CHSY3: variants seen among roughly 807,000 people sequenced by gnomAD.
CHSY3 encodes N-acetylgalactosaminyl-proteoglycan 3-beta-glucuronosyltransferase 3.
CHSY3 carries 35 observed loss-of-function variants against 67.2 expected under a neutral mutation model. The observed-to-expected ratio is 0.52, with a 90% CI of 0.40 to 0.69. The LOEUF (loss-of-function observed/expected upper bound fraction) is 0.69, where lower values mean the gene tolerates loss of function less well. Ranked by LOEUF, CHSY3 falls within the 30% of genes least tolerant of loss-of-function variation. The pLI, the probability that CHSY3 is intolerant of heterozygous loss-of-function variation, is 0.00. For synonymous variants in CHSY3, 474 were observed against 434.7 expected, an observed-to-expected ratio of 1.09 and a Z score of -1.12; for missense variants, 1,069 against 1,138.5, an observed-to-expected ratio of 0.94 and a Z score of 0.88.
intron 2 of CHSY3, among the ~76,000 whole-genome samples, chr5:130,005,282 G>A (rs1302660947): frequency 1.3e-5 from 2 of 152,098 alleles, no homozygotes; most frequent in African/African-American, 4.8e-5. Context: ...GGGCATGGTG[G>A]CATGAGCCTG....
Position 130,122,752 on chromosome 5 carries a change from C to A in CHSY3, c.1087-61477C>A, listed in dbSNP as rs142770892. Among the ~76,000 whole-genome samples the A allele has an allele frequency of 2.0e-4, 31 of 152,256 alleles. No individual in the cohort carries two copies. The East Asian group carries it at 4.2e-3, about 21-fold the overall frequency. ...ATATTTAACAATTAAAAAAGAAAATCTTATCGTCAGCCAGGAATAAGCTTG... is the reference window on the plus strand; with the variant it reads ...ATATTTAACAATTAAAAAAGAAAATATTATCGTCAGCCAGGAATAAGCTTG... On this transcript the variant is annotated intron_variant, in intron 2 of 2. Coordinates refer to ENST00000305031, the MANE Select transcript of CHSY3 (RefSeq NM_175856.5).
At position 130,047,509 on chromosome 5, in the gene CHSY3, C is replaced by T. The variant is rs188894521; in HGVS notation, c.1087-136720C>T. 9.2e-5 allele frequency among the ~76,000 whole-genome samples: 14 copies of T among 152,136 alleles called. No homozygotes were observed. The East Asian group carries it at 2.5e-3, about 27-fold the overall frequency. On this transcript the variant is annotated intron_variant, in intron 2 of 2. Coordinates refer to ENST00000305031, the MANE Select transcript of CHSY3 (RefSeq NM_175856.5). ...TATAGGTTAGTAATTTATTGGCCAT[C>T]CAGAAATGATCATGGTCCCTTATTT...
At chr5:130,146,921 G>A (rs1041658454) in intron 2 of CHSY3, among the ~76,000 whole-genome samples, 6 of 152,136 alleles carry the variant, frequency 3.9e-5, no homozygotes. Context: ...AGCTTCCCCA[G>A]TAGCTGGGAT....
intron 2 of CHSY3, among the ~76,000 whole-genome samples, chr5:129,910,151 CCTGT>C (rs1339275500): frequency 6.6e-6 from 1 of 151,554 alleles, no homozygotes; most frequent in Non-Finnish European, 1.5e-5. Context: ...AGATGTGCAC[CCTGT>C]CTATTAGAAT....
intron 2 of CHSY3, among the ~76,000 whole-genome samples, chr5:130,057,069 G>A (rs1188354802): frequency 2.4e-4 from 36 of 151,080 alleles, no homozygotes; most frequent in Middle Eastern, 3.4e-3. Flanking sequence ...GACTACAGGC[G>A]CCCACCACCA....
chr5:130,163,110 T>C (rs1462754210), intron 2 of CHSY3, among the ~76,000 whole-genome samples: 1 of 151,996 alleles, frequency 6.6e-6, no homozygotes, highest in Non-Finnish European at 1.5e-5. Flanking sequence ...AGAGATTACA[T>C]GGAAAGCAGA....
chr5:130,137,095 A>C (rs1768688492), intron 2 of CHSY3, among the ~76,000 whole-genome samples: 1 of 152,212 alleles, frequency 6.6e-6, no homozygotes, highest in African/African-American at 2.4e-5. Flanking sequence ...TAAGAATAAA[A>C]AAATCACTCC....
intron 2 of CHSY3, among the ~76,000 whole-genome samples, chr5:130,085,798 T>C (rs983344432): frequency 1.4e-4 from 22 of 152,160 alleles, no homozygotes; most frequent in Admixed American, 9.8e-4. Context: ...CCAGAGATTC[T>C]AGTATGTTGT....
In CHSY3 at chr5:129,906,010, A is replaced by G. The variant is rs574347861; in HGVS notation, c.802+379A>G. 3.2e-4 allele frequency: 75 copies of G among 234,780 alleles called. 1 individual carries two copies. The highest frequency in any genetic ancestry group is 3.0e-4 in the East Asian group (3 of 10,114). The allele number at this position is 234,780 out of a possible 1,614,324, so 14.5% of individuals were successfully genotyped here. ...GCCCCTGCTGATGGTAGTTTCCCCAATCGGTCCAGAGGGGCGTGGTCTTCA... is the reference window on the plus strand; with the variant it reads ...GCCCCTGCTGATGGTAGTTTCCCCAGTCGGTCCAGAGGGGCGTGGTCTTCA... On this transcript the variant is annotated intron_variant, in intron 1 of 2. Coordinates refer to ENST00000305031, the MANE Select transcript of CHSY3 (RefSeq NM_175856.5).
At chr5:130,151,016 A>T (rs2149723994) in intron 2 of CHSY3, among the ~76,000 whole-genome samples, 1 of 152,316 alleles carries the variant, frequency 6.6e-6, no homozygotes, top group Non-Finnish European at 1.5e-5. Flanking sequence ...AAGCATGACA[A>T]CTAATGCAGG....
chr5:129,979,116 C>G (rs1023737727), intron 2 of CHSY3, among the ~76,000 whole-genome samples: 1 of 139,234 alleles, frequency 7.2e-6, no homozygotes, highest in Non-Finnish European at 1.5e-5. Flanking sequence ...AGGAGAATAG[C>G]GTGAACCTGG....
chr5:130,036,180 T>C lies in CHSY3; in HGVS notation c.1086+127820T>C, dbSNP rs143710158. Among the ~76,000 whole-genome samples, 297 of 152,214 alleles carry C rather than the reference T, an allele frequency of 2.0e-3. 1 individual carries two copies. The highest frequency in any genetic ancestry group is 6.8e-3 in the Middle Eastern group (2 of 294). On this transcript the variant is annotated intron_variant, in intron 2 of 2. Coordinates refer to ENST00000305031, the MANE Select transcript of CHSY3 (RefSeq NM_175856.5). ...CTTACACTGTCTTTCCTGGACATGA[T>C]AAAGAATTAGTTAAGTAATGCCCAT...
intron 2 of CHSY3, among the ~76,000 whole-genome samples, chr5:130,095,446 A>G (rs921367001): frequency 2.0e-5 from 3 of 152,204 alleles, no homozygotes; most frequent in African/African-American, 4.8e-5. Flanking sequence ...CACAGAGCCA[A>G]CCTGAAAGAG....
chr5:130,059,154 G>T (rs1350165670), intron 2 of CHSY3, among the ~76,000 whole-genome samples: 1 of 152,148 alleles, frequency 6.6e-6, no homozygotes, highest in South Asian at 2.1e-4. Flanking sequence ...GAGGCCTAAA[G>T]AGCAACAGCT....
chr5:130,038,578 C>A lies in CHSY3; in HGVS notation c.1086+130218C>A, dbSNP rs994968176. ...GGATTGGGAAGAAAGGAAGCACATTCAAGCCTTAAAGATGCTATGAGGTAG... is the reference window on the plus strand; with the variant it reads ...GGATTGGGAAGAAAGGAAGCACATTAAAGCCTTAAAGATGCTATGAGGTAG... On this transcript the variant is annotated intron_variant, in intron 2 of 2. Transcript: ENST00000305031. 5.3e-5 allele frequency among the ~76,000 whole-genome samples: 8 copies of A among 152,224 alleles called. No individual in the cohort carries two copies. The East Asian group carries it at 1.4e-3, about 26-fold the overall frequency.
chr5:130,082,683 C>T (rs1244588415), intron 2 of CHSY3, among the ~76,000 whole-genome samples: 2 of 151,718 alleles, frequency 1.3e-5, no homozygotes, highest in African/African-American at 2.4e-5. Context: ...ATGGTTAAGT[C>T]GGCATGGAGC....
intron 2 of CHSY3, among the ~76,000 whole-genome samples, chr5:130,166,675 A>T (rs919943275): frequency 6.6e-6 from 1 of 152,130 alleles, no homozygotes; most frequent in African/African-American, 2.4e-5. Context: ...TATAATTAGG[A>T]TATTTTTTCC....
At chr5:130,080,419 A>G (rs1212916914) in intron 2 of CHSY3, among the ~76,000 whole-genome samples, 1 of 152,104 alleles carries the variant, frequency 6.6e-6, no homozygotes, top group Non-Finnish European at 1.5e-5. Context: ...GAAGCCCACT[A>G]GGATGTTTTT....
chr5:130,086,781 C>G (rs569956130), intron 2 of CHSY3, among the ~76,000 whole-genome samples: 89 of 152,108 alleles, frequency 5.9e-4, no homozygotes, highest in Admixed American at 2.2e-3. Context: ...CGAATTCTAC[C>G]AGAGGTACAA....
Sources: allele counts gnomAD v4.1 joint callset (sites outside exome capture counted in the v4.1 genomes callset), GRCh38; gene constraint gnomAD v4.1.1; transcripts MANE v1.5; gene names NCBI Gene and HGNC (gene_info 2026-07-23, HGNC 2026-07-21).